Variants in PDE7B observed in about 807,000 individuals in gnomAD.
PDE7B encodes 3',5'-cyclic-AMP phosphodiesterase 7B.
PDE7B carries 29 observed loss-of-function variants against 56.2 expected under a neutral mutation model. The observed-to-expected ratio is 0.52, with a 90% CI of 0.38 to 0.70. The LOEUF is 0.70. Among genes scored for constraint, PDE7B ranks in the 30% least tolerant of loss-of-function variants. The pLI, the probability that PDE7B is intolerant of heterozygous loss-of-function variation, is 0.00. For missense variants in PDE7B, 490 were observed against 565.0 expected, an observed-to-expected ratio of 0.87 and a Z score of 1.35; for synonymous variants, 197 against 196.9, an observed-to-expected ratio of 1.00 and a Z score of 0.00.
intron 2 of PDE7B, chr6:136,037,742 A>G (rs1216602257): frequency 1.0e-6 from 1 of 985,356 alleles, no homozygotes; most frequent in Non-Finnish European, 1.2e-6. Context: ...GCAAAGGGGA[A>G]GCCCCGCTTC....
intron 2 of PDE7B, chr6:136,098,097 T>C (rs1777497799): frequency 6.9e-6 from 1 of 144,064 alleles, no homozygotes; most frequent in South Asian, 2.3e-4. Flanking sequence ...AAGAACATTG[T>C]TACTTTTATA....
intron 2 of PDE7B, among the ~76,000 whole-genome samples, chr6:136,013,747 T>A (rs1775931495): frequency 6.6e-6 from 1 of 152,202 alleles, no homozygotes; most frequent in South Asian, 2.1e-4. Context: ...ATCCAGCATG[T>A]CAGGAATAAT....
At chr6:136,021,451 C>A (rs927339016) in intron 2 of PDE7B, among the ~76,000 whole-genome samples, 7 of 152,066 alleles carry the variant, frequency 4.6e-5, no homozygotes, top group African/African-American at 1.7e-4. Context: ...TCGAGACCAG[C>A]CTGGCCAACA....
intron 2 of PDE7B, among the ~76,000 whole-genome samples, chr6:136,096,912 A>G (rs1046696887): frequency 2.6e-5 from 4 of 152,026 alleles, no homozygotes; most frequent in Non-Finnish European, 4.4e-5. Flanking sequence ...CAGTCACTCA[A>G]CTAAATCCAA....
intron 2 of PDE7B, among the ~76,000 whole-genome samples, chr6:136,001,893 A>G (rs912215680): frequency 1.4e-4 from 21 of 151,934 alleles, no homozygotes; most frequent in Non-Finnish European, 2.9e-4. Flanking sequence ...CAAGACACAT[A>G]ATTGTCAGAT....
intron 2 of PDE7B, among the ~76,000 whole-genome samples, chr6:135,965,914 A>G (rs1465261459): frequency 2.0e-5 from 3 of 152,186 alleles, no homozygotes; most frequent in African/African-American, 7.2e-5. Context: ...CACTAGTGTC[A>G]TGGAATCTGA....
At chr6:135,938,806 T>C (rs1369814378) in intron 1 of PDE7B, among the ~76,000 whole-genome samples, 3 of 152,210 alleles carry the variant, frequency 2.0e-5, no homozygotes, top group Non-Finnish European at 4.4e-5. Context: ...GCCTTTCTAT[T>C]GCCCTCTACT....
At chr6:136,058,034 C>T (rs1454936843) in intron 2 of PDE7B, among the ~76,000 whole-genome samples, 1 of 152,122 alleles carries the variant, frequency 6.6e-6, no homozygotes, top group African/African-American at 2.4e-5. Flanking sequence ...ACTGCGCCCG[C>T]CTCTGCTCAC....
chr6:136,051,229 G>A (rs1046737401), intron 2 of PDE7B, among the ~76,000 whole-genome samples: 3 of 152,156 alleles, frequency 2.0e-5, no homozygotes, highest in African/African-American at 7.2e-5. Context: ...ACAGTGAAAT[G>A]CCATAAAATA....
At chr6:135,864,793 T>A (rs76338739) in intron 1 of PDE7B, among the ~76,000 whole-genome samples, 3,609 of 152,160 alleles carry the variant, frequency 0.024, 157 homozygotes, top group African/African-American at 0.079. Flanking sequence ...CCTTTCTTTT[T>A]TTATTATTAT....
intron 1 of PDE7B, among the ~76,000 whole-genome samples, chr6:135,883,234 T>C (rs1775642067): frequency 6.6e-6 from 1 of 152,176 alleles, no homozygotes; most frequent in South Asian, 2.1e-4. Context: ...CTGTTAAACA[T>C]GCGGCTCAAT....
intron 3 of PDE7B, among the ~76,000 whole-genome samples, chr6:136,141,446 G>T (rs1341900694): frequency 6.6e-6 from 1 of 152,122 alleles, no homozygotes; most frequent in Non-Finnish European, 1.5e-5. Flanking sequence ...TTGTGTCTCT[G>T]CCAGGCTTTG....
At chr6:136,062,771 A>G (rs954669979) in intron 2 of PDE7B, among the ~76,000 whole-genome samples, 5 of 152,144 alleles carry the variant, frequency 3.3e-5, no homozygotes, top group Admixed American at 2.6e-4. Flanking sequence ...TAAAAGACCA[A>G]ATTGCTCTCT....
chr6:136,186,228 C>T lies in PDE7B; in HGVS notation c.1046-808C>T, dbSNP rs184263213. On this transcript the variant is annotated intron_variant, in intron 11 of 12. Transcript: ENST00000308191. ...CTCAGAAGATTAAGACTAGTCTGGA[C>T]AACATAGCGAGACCTCATCTCTACT... Among the ~76,000 whole-genome samples the T allele has an allele frequency of 2.4e-4, 37 of 152,002 alleles. No homozygotes were observed. In the East Asian group the frequency reaches 6.2e-3, roughly 26 times the overall value.
At chr6:135,980,619 C>A (rs1351803066) in intron 2 of PDE7B, among the ~76,000 whole-genome samples, 2 of 152,182 alleles carry the variant, frequency 1.3e-5, no homozygotes, top group African/African-American at 2.4e-5. Context: ...AAAGAGTGGG[C>A]GAAGGACATG....
rs867360805 is a variant in PDE7B, at chr6:136,081,414, A to C, written c.83-27317A>C. ...GAGACTACAGTGGCTTCTAAGGGCA[A>C]TTGAGTGATTAAAACATAAACTAGT... On this transcript the variant is annotated intron_variant, in intron 2 of 12. Coordinates refer to ENST00000308191, the MANE Select transcript of PDE7B (RefSeq NM_018945.4). Among the ~76,000 whole-genome samples the C allele has an allele frequency of 5.9e-5, 9 of 152,336 alleles. No homozygotes were observed. The Middle Eastern group carries it at 0.014, about 230-fold the overall frequency.
At chr6:136,184,270 CAT>C (rs1386993400) in intron 11 of PDE7B, among the ~76,000 whole-genome samples, 2 of 152,124 alleles carry the variant, frequency 1.3e-5, no homozygotes, top group Non-Finnish European at 2.9e-5. Context: ...GTGTCTGAAA[CAT>C]AAACGTGTTG....
intron 2 of PDE7B, among the ~76,000 whole-genome samples, chr6:135,962,368 G>C (rs1774917346): frequency 6.6e-6 from 1 of 152,130 alleles, no homozygotes; most frequent in African/African-American, 2.4e-5. Flanking sequence ...TGCAGGTGGG[G>C]AGGGTCACCT....
chr6:136,066,973 A>T (rs1252010997), intron 2 of PDE7B, among the ~76,000 whole-genome samples: 1 of 151,678 alleles, frequency 6.6e-6, no homozygotes, highest in Non-Finnish European at 1.5e-5. Context: ...CTCCCATCTC[A>T]GCCTCCCAAG....
Sources: gnomAD v4.1 joint callset for allele counts (sites outside exome capture counted in the v4.1 genomes callset) on GRCh38, gnomAD v4.1.1 for gene constraint, MANE v1.5 for transcripts, NCBI Gene and HGNC (gene_info 2026-07-23, HGNC 2026-07-21) for gene names.